The following CDH4 variants were observed in gnomAD, a reference collection of about 807,000 sequenced individuals.
CDH4 encodes cadherin-4.
In CDH4, 33 loss-of-function variants were observed where a neutral mutation model predicts 86.0. That is an observed-to-expected ratio of 0.38 (90% confidence interval 0.29 to 0.51). CDH4 has a LOEUF of 0.51. CDH4 is among the 20% of genes least tolerant of loss of function. The pLI, the probability that CDH4 is intolerant of heterozygous loss-of-function variation, is 0.86. For missense variants in CDH4, 1,114 were observed against 1,307.4 expected (o/e 0.85, Z 2.28); for synonymous variants, 555 against 549.4 (o/e 1.01, Z -0.14).
intron 2 of CDH4, among the ~76,000 whole-genome samples, chr20:61,609,104 ATGTGT>A (rs1253578851): frequency 9.9e-5 from 15 of 152,184 alleles, no homozygotes; most frequent in Non-Finnish European, 7.3e-5. Flanking sequence ...CTCAAGCATC[ATGTGT>A]TTAGGGTATA....
At chr20:61,471,539 ATTTC>A (rs1365197206) in intron 2 of CDH4, among the ~76,000 whole-genome samples, 3 of 136,690 alleles carry the variant, frequency 2.2e-5, no homozygotes, top group East Asian at 4.3e-4. Flanking sequence ...GATTTTTATT[ATTTC>A]TTCTACTAAT....
At chr20:61,750,593 C>A (rs186456307) in intron 3 of CDH4, among the ~76,000 whole-genome samples, 1 of 152,208 alleles carries the variant, frequency 6.6e-6, no homozygotes, top group Non-Finnish European at 1.5e-5. Flanking sequence ...GAATTGCTCT[C>A]CCAAAGTTTT....
chr20:61,822,392 A>C (rs989187409), intron 4 of CDH4, among the ~76,000 whole-genome samples: 1 of 152,216 alleles, frequency 6.6e-6, no homozygotes, highest in African/African-American at 2.4e-5. Context: ...AGATTATCAG[A>C]ATTTTTATTA....
At chr20:61,538,800 T>G (rs2086017658) in intron 2 of CDH4, among the ~76,000 whole-genome samples, 1 of 152,232 alleles carries the variant, frequency 6.6e-6, no homozygotes, top group Non-Finnish European at 1.5e-5. Flanking sequence ...TCTCGTCTAA[T>G]CAGCACATAC....
At chr20:61,580,488 A>G (rs2086417763) in intron 2 of CDH4, among the ~76,000 whole-genome samples, 1 of 151,522 alleles carries the variant, frequency 6.6e-6, no homozygotes, top group Admixed American at 6.6e-5. Context: ...CTCTACTTTA[A>G]AAAAAAAATT....
At chr20:61,264,268 G>T (rs571534862) in intron 2 of CDH4, among the ~76,000 whole-genome samples, 1 of 152,280 alleles carries the variant, frequency 6.6e-6, no homozygotes, top group South Asian at 2.1e-4. Flanking sequence ...GCAGAACCCA[G>T]TGGTTCCTTC....
intron 2 of CDH4, among the ~76,000 whole-genome samples, chr20:61,389,993 T>TG (rs2084973024): frequency 7.0e-6 from 1 of 142,144 alleles, no homozygotes; most frequent in African/African-American, 2.7e-5. Context: ...AATGAGATCA[T>TG]GCAGTCATAG....
At chr20:61,803,577 T>C (rs1979951993) in intron 4 of CDH4, among the ~76,000 whole-genome samples, 1 of 152,210 alleles carries the variant, frequency 6.6e-6, no homozygotes, top group South Asian at 2.1e-4. Flanking sequence ...TCAGTTCTGC[T>C]ACCGCGGGCG....
intron 2 of CDH4, chr20:61,570,488 C>T (rs566432179): frequency 1.5e-5 from 9 of 584,086 alleles, no homozygotes; most frequent in East Asian, 8.5e-5. Context: ...GGGTCTCCCT[C>T]GCAGCCCCTG....
At chr20:61,795,184 G>A (rs1979476074) in intron 4 of CDH4, among the ~76,000 whole-genome samples, 2 of 18,058 alleles carry the variant, frequency 1.1e-4, no homozygotes, top group African/African-American at 3.5e-4. Context: ...ATAATTAAGA[G>A]GAGGACAAGG....
At chr20:61,742,168 A>C (rs2145941071) in intron 2 of CDH4, among the ~76,000 whole-genome samples, 1 of 145,286 alleles carries the variant, frequency 6.9e-6, no homozygotes, top group East Asian at 1.9e-4. Flanking sequence ...TAGAAGGGGA[A>C]CAGATCCGGG....
At chr20:61,568,030 A>C (rs1040336802) in intron 2 of CDH4, among the ~76,000 whole-genome samples, 1 of 152,218 alleles carries the variant, frequency 6.6e-6, no homozygotes, top group Admixed American at 6.5e-5. Context: ...AGGAGATCAA[A>C]ATAACAGAAT....
At chr20:61,431,789 G>A (rs1007248270) in intron 2 of CDH4, among the ~76,000 whole-genome samples, 1 of 152,062 alleles carries the variant, frequency 6.6e-6, no homozygotes, top group Non-Finnish European at 1.5e-5. Context: ...TTGCCCCTTG[G>A]ACAGTCTCTC....
chr20:61,275,729 A>AG (rs1403408221), intron 2 of CDH4, among the ~76,000 whole-genome samples: 1 of 151,716 alleles, frequency 6.6e-6, no homozygotes, highest in Admixed American at 6.6e-5. Flanking sequence ...TATCATGTGC[A>AG]GTTTGGAGTA....
intron 2 of CDH4, among the ~76,000 whole-genome samples, chr20:61,646,442 T>C (rs1535138): frequency 0.65 from 98,428 of 152,118 alleles, 32,627 homozygotes; most frequent in East Asian, 0.79. Context: ...GATCACCGGC[T>C]GTGGGCATGG....
In CDH4 at chr20:61,437,217, T is replaced by C. The variant is rs1264747910; in HGVS notation, c.169+182280T>C. On this transcript the variant is annotated intron_variant, in intron 2 of 15. Transcript: ENST00000614565. ...TTGTCTTGCCTTTCTCAACTGCTTTTCAACCAGAGAAATGACTCGTCTAGC... is the reference window on the plus strand; with the variant it reads ...TTGTCTTGCCTTTCTCAACTGCTTTCCAACCAGAGAAATGACTCGTCTAGC... The C allele has an allele frequency of 3.9e-5, 6 of 152,424 alleles. No individual in the cohort carries two copies. The East Asian group carries it at 9.6e-4, about 25-fold the overall frequency. The allele number at this position is 152,424 out of a possible 1,614,324, so 9.4% of individuals were successfully genotyped here.
intron 4 of CDH4, among the ~76,000 whole-genome samples, chr20:61,826,962 AGTGT>A (rs11470719): frequency 0.04 from 5,835 of 146,036 alleles, 234 homozygotes; most frequent in South Asian, 0.15. Context: ...AGAAGGGAAA[AGTGT>A]GTGTGTGTGT....
intron 4 of CDH4, among the ~76,000 whole-genome samples, chr20:61,832,500 G>A (rs1252442391): frequency 1.3e-5 from 2 of 152,160 alleles, no homozygotes; most frequent in Non-Finnish European, 2.9e-5. Flanking sequence ...AGGTTTAATT[G>A]ACTCACAGTT....
chr20:61,810,260 T>C lies in CDH4; in HGVS notation c.577-34408T>C, dbSNP rs1980365198. Among the ~76,000 whole-genome samples, 1 of 152,118 alleles carries C rather than the reference T, an allele frequency of 6.6e-6. No individual in the cohort carries two copies. The highest frequency in any genetic ancestry group is 1.5e-5 in the Non-Finnish European group (1 of 68,006). The stretch of plus-strand genomic sequence containing the variant: ...GGCCATGGCCACCCACATGGATGTG[T>C]GGGTATGGCCACATGTGGCTATCCA... On this transcript the variant is annotated intron_variant, in intron 4 of 15. Transcript: ENST00000614565. The surrounding 1 kb of genome is among the most constrained non-coding windows in gnomAD (Gnocchi z 4.3).
Sources: allele counts gnomAD v4.1 joint callset (sites outside exome capture counted in the v4.1 genomes callset), GRCh38; gene constraint gnomAD v4.1.1; non-coding constraint Gnocchi (gnomAD v3.1); transcripts MANE v1.5; gene names NCBI Gene and HGNC (gene_info 2026-07-23, HGNC 2026-07-21).